ARHGEF4: variants seen among roughly 807,000 people sequenced by gnomAD.
The protein encoded by ARHGEF4 is Rho guanine nucleotide exchange factor 4.
Under a neutral mutation model 162.0 loss-of-function variants are expected in ARHGEF4, and 119 were observed. The ratio of observed to expected loss-of-function variants is 0.73; its 90% CI spans 0.63 to 0.86. The LOEUF is 0.86. ARHGEF4 is among the 40% of genes least tolerant of loss of function. ARHGEF4 has a pLI of 0.00. For synonymous variants in ARHGEF4, 1,014 were observed against 979.9 expected, an observed-to-expected ratio of 1.03 and a Z score of -0.65; for missense variants, 2,488 against 2,456.0, an observed-to-expected ratio of 1.01 and a Z score of -0.28.
At chr2:130,903,265 CTTT>C (rs202030783) in intron 1 of ARHGEF4, among the ~76,000 whole-genome samples, 8 of 128,510 alleles carry the variant, frequency 6.2e-5, no homozygotes, top group African/African-American at 2.0e-4. Flanking sequence ...TTTCTTTTTT[CTTT>C]TTTTTTTCCC....
intron 1 of ARHGEF4, among the ~76,000 whole-genome samples, chr2:130,897,556 C>T (rs1452885084): frequency 2.0e-5 from 3 of 152,302 alleles, no homozygotes; most frequent in Middle Eastern, 3.4e-3. Flanking sequence ...AGGCAGAAGG[C>T]GTGGGTTTGA....
intron 4 of ARHGEF4, among the ~76,000 whole-genome samples, chr2:130,977,102 G>A (rs1440535137): frequency 6.6e-6 from 1 of 150,826 alleles, no homozygotes; most frequent in East Asian, 1.9e-4. Context: ...GTGTGTTAGT[G>A]TGTGTGGTGT....
At chr2:130,851,299 G>A (rs1574096322) in intron 1 of ARHGEF4, among the ~76,000 whole-genome samples, 4 of 152,374 alleles carry the variant, frequency 2.6e-5, no homozygotes, top group South Asian at 4.1e-4. Flanking sequence ...CCAACTGTCA[G>A]GAGGGTGCTG....
At chr2:130,850,645 C>T (rs1387981461) in intron 1 of ARHGEF4, among the ~76,000 whole-genome samples, 1 of 152,184 alleles carries the variant, frequency 6.6e-6, no homozygotes, top group Non-Finnish European at 1.5e-5. Context: ...GCTACAGTGC[C>T]CCAAGCAGGG....
intron 4 of ARHGEF4, among the ~76,000 whole-genome samples, chr2:131,022,710 G>A (rs1053127020): frequency 1.5e-4 from 22 of 149,792 alleles, no homozygotes; most frequent in African/African-American, 5.4e-4. Flanking sequence ...AGATTTCCAT[G>A]TAAAACTTTT....
At chr2:130,912,821 T>TC (rs1316758140) in intron 1 of ARHGEF4, among the ~76,000 whole-genome samples, 1 of 151,742 alleles carries the variant, frequency 6.6e-6, no homozygotes, top group East Asian at 1.9e-4. Context: ...CATTCAATAG[T>TC]CCCCCCTTAT....
At chr2:130,944,008 C>T (rs1296283378) in intron 3 of ARHGEF4, among the ~76,000 whole-genome samples, 1 of 152,136 alleles carries the variant, frequency 6.6e-6, no homozygotes, top group East Asian at 1.9e-4. Context: ...TAGTTTTTCT[C>T]CATGTGATAA....
intron 1 of ARHGEF4, among the ~76,000 whole-genome samples, chr2:130,884,046 G>T (rs995553183): frequency 6.6e-6 from 1 of 152,050 alleles, no homozygotes; most frequent in Admixed American, 6.5e-5. Flanking sequence ...TCCTCCTACT[G>T]ATTTTATGCA....
Position 130,917,345 on chromosome 2 carries a change from T to C in ARHGEF4, c.3399T>C (p.Pro1133=), listed in dbSNP as rs761193886. ...ACGTGGACAGCAGTTCAGGGGACCC[T>C]GAAAGACCCAAGATTCCCAAGGGCC... ...YSYVDSSSGD[P]ERPKIPKGQT... Residue 1133 remains proline (P), a synonymous_variant, in exon 2 of 14, where the codon CCT becomes CCC. Coordinates refer to ENST00000409359, the MANE Select transcript of ARHGEF4 (RefSeq NM_001367493.1). 2.7e-4 allele frequency: 417 copies of C among 1,550,428 alleles called. No homozygotes were observed. Among genetic ancestry groups the C allele is most frequent in the Non-Finnish European group, 3.5e-4 (406 of 1,146,990 alleles).
chr2:131,039,929 G>C, intron 6 of ARHGEF4, 87 bp from the exon 7 acceptor site: 1 of 1,494,934 alleles, frequency 6.7e-7, no homozygotes, highest in Admixed American at 2.3e-5. Context: ...CGGGGCCTCC[G>C]AGGCCCGGTT....
In ARHGEF4 at chr2:130,888,355, C is replaced by T. The variant is rs1237181700; in HGVS notation, c.40-25631C>T. 4.0e-5 allele frequency among the ~76,000 whole-genome samples: 6 copies of T among 151,852 alleles called. 1 individual carries two copies. The highest frequency in any genetic ancestry group is 7.3e-5 in the African/African-American group (3 of 41,240). ...GCATGATGGCAGGTGCCTGTAATCC[C>T]AGCTACTGGAGAGTCTGAGGCAGGA... On this transcript the variant is annotated intron_variant, in intron 1 of 13. Transcript: ENST00000409359.
At chr2:130,889,236 A>G (rs1236928406) in intron 1 of ARHGEF4, among the ~76,000 whole-genome samples, 1 of 152,108 alleles carries the variant, frequency 6.6e-6, no homozygotes. Flanking sequence ...CTCATGGGTA[A>G]TATAATGATC....
chr2:130,993,035 G>C (rs1687146716), intron 4 of ARHGEF4, among the ~76,000 whole-genome samples: 1 of 152,214 alleles, frequency 6.6e-6, no homozygotes, highest in Non-Finnish European at 1.5e-5. Flanking sequence ...AGTGAGCTGA[G>C]ATAGCGTCAG....
At chr2:131,018,157 A>T (rs1025648876) in intron 4 of ARHGEF4, among the ~76,000 whole-genome samples, 2 of 152,224 alleles carry the variant, frequency 1.3e-5, no homozygotes, top group African/African-American at 4.8e-5. Flanking sequence ...CAGAATAGAA[A>T]ATCCAGAAAT....
chr2:130,926,809 G>GTTTTTT (rs1559044315), intron 2 of ARHGEF4, among the ~76,000 whole-genome samples: 5 of 13,822 alleles, frequency 3.6e-4, no homozygotes, highest in Non-Finnish European at 1.1e-3. Flanking sequence ...ACTTCTGGCT[G>GTTTTTT]ATTTTTTTTT....
intron 1 of ARHGEF4, among the ~76,000 whole-genome samples, chr2:130,839,650 C>G (rs1441208901): frequency 6.6e-6 from 1 of 152,174 alleles, no homozygotes; most frequent in Non-Finnish European, 1.5e-5. Flanking sequence ...TTGGGGGTCA[C>G]CCAGCAAATG....
intron 1 of ARHGEF4, among the ~76,000 whole-genome samples, chr2:130,866,465 T>A (rs1682288198): frequency 1.3e-5 from 2 of 152,192 alleles, no homozygotes; most frequent in Admixed American, 1.3e-4. Flanking sequence ...TTCCATGCTA[T>A]GTTATGTGGC....
chr2:130,996,774 G>T (rs4322881), intron 4 of ARHGEF4, among the ~76,000 whole-genome samples: 40,970 of 152,030 alleles, frequency 0.27, 6,313 homozygotes, highest in South Asian at 0.4. Context: ...AGCATGAGAC[G>T]TCCTGCATCC....
intron 4 of ARHGEF4, among the ~76,000 whole-genome samples, chr2:130,977,382 G>T (rs1450231042): frequency 6.6e-6 from 1 of 151,816 alleles, no homozygotes; most frequent in Non-Finnish European, 1.5e-5. Flanking sequence ...TGCGTATGTT[G>T]TGTGTGTTGT....
Sources: gnomAD v4.1 joint callset for allele counts (sites outside exome capture counted in the v4.1 genomes callset) on GRCh38, gnomAD v4.1.1 for gene constraint, MANE v1.5 for transcripts, NCBI Gene and HGNC (gene_info 2026-07-23, HGNC 2026-07-21) for gene names.